Variants in UNC5C observed in about 807,000 individuals in gnomAD.
The protein encoded by UNC5C is unc-5 netrin receptor C.
UNC5C carries 47 observed loss-of-function variants against 99.8 expected under a neutral mutation model. That is an observed-to-expected ratio of 0.47 (90% CI 0.37 to 0.60). UNC5C has a LOEUF of 0.60. Ranked by LOEUF, UNC5C falls within the 20% of genes least tolerant of loss-of-function variation. The probability of loss-of-function intolerance (pLI) is 0.00; values close to 1 mark genes in which losing one functional copy is unlikely to be tolerated. For synonymous variants in UNC5C, 487 were observed against 452.2 expected, an observed-to-expected ratio of 1.08 and a Z score of -0.98; for missense variants, 1,062 against 1,165.9, an observed-to-expected ratio of 0.91 and a Z score of 1.30.
intron 1 of UNC5C, among the ~76,000 whole-genome samples, chr4:95,541,220 C>T (rs13149465): frequency 0.33 from 49,601 of 151,972 alleles, 9,055 homozygotes; most frequent in Middle Eastern, 0.43. Flanking sequence ...ATTTCAGAAA[C>T]AAACAATTCG....
chr4:95,368,265 G>A (rs1744633472), intron 1 of UNC5C, among the ~76,000 whole-genome samples: 1 of 124,860 alleles, frequency 8.0e-6, no homozygotes, highest in Non-Finnish European at 1.7e-5. Flanking sequence ...TAGAAACTAA[G>A]TAAAATAACA....
intron 2 of UNC5C, among the ~76,000 whole-genome samples, chr4:95,325,993 C>A (rs1742869429): frequency 6.6e-6 from 1 of 151,982 alleles, no homozygotes; most frequent in Non-Finnish European, 1.5e-5. Context: ...AGACACCAGG[C>A]GCAGGGCCAA....
At chr4:95,388,726 T>G (rs977416244) in intron 1 of UNC5C, among the ~76,000 whole-genome samples, 3 of 152,136 alleles carry the variant, frequency 2.0e-5, no homozygotes, top group Non-Finnish European at 4.4e-5. Context: ...ATAACTTCAT[T>G]GAGTAGGTCC....
At chr4:95,446,133 C>T (rs1378264422) in intron 1 of UNC5C, among the ~76,000 whole-genome samples, 8 of 151,818 alleles carry the variant, frequency 5.3e-5, no homozygotes, top group African/African-American at 1.7e-4. Context: ...TCTTAAGTAA[C>T]CAACGATTCA....
intron 1 of UNC5C, among the ~76,000 whole-genome samples, chr4:95,521,101 G>T: frequency 6.6e-6 from 1 of 151,858 alleles, no homozygotes; most frequent in Non-Finnish European, 1.5e-5. Context: ...CAGGATGCCT[G>T]CATGATTAGA....
intron 1 of UNC5C, among the ~76,000 whole-genome samples, chr4:95,453,612 T>C (rs1747335599): frequency 1.3e-5 from 2 of 152,156 alleles, no homozygotes. Flanking sequence ...CCTGTTCCCC[T>C]TCATTTCCTT....
chr4:95,445,410 G>C (rs1027048502), intron 1 of UNC5C, among the ~76,000 whole-genome samples: 1 of 151,644 alleles, frequency 6.6e-6, no homozygotes, highest in Non-Finnish European at 1.5e-5. Flanking sequence ...TTTCTGTTCC[G>C]TTCGGATTCA....
chr4:95,414,225 C>CA (rs1372543159), intron 1 of UNC5C, among the ~76,000 whole-genome samples: 1 of 151,680 alleles, frequency 6.6e-6, no homozygotes, highest in Non-Finnish European at 1.5e-5. Flanking sequence ...CTCCCCCCCA[C>CA]AAAAAATAGG....
chr4:95,335,738 T>C, intron 1 of UNC5C, 107 bp from the exon 2 acceptor site: 1 of 831,868 alleles, frequency 1.2e-6, no homozygotes, highest in Non-Finnish European at 1.9e-6. Flanking sequence ...AATTAAGTGA[T>C]TTGAATGCCT....
At chr4:95,477,183 T>C (rs1177400244) in intron 1 of UNC5C, among the ~76,000 whole-genome samples, 2 of 152,056 alleles carry the variant, frequency 1.3e-5, no homozygotes, top group African/African-American at 2.4e-5. Flanking sequence ...CTATGACATA[T>C]ATTAGGTTCC....
At chr4:95,456,152 G>A (rs11726404) in intron 1 of UNC5C, among the ~76,000 whole-genome samples, 16,990 of 151,936 alleles carry the variant, frequency 0.11, 1,027 homozygotes, top group Non-Finnish European at 0.14. Context: ...GTGTATAATG[G>A]TAATAATTAT....
Position 95,169,335 on chromosome 4 carries a change from G to C in UNC5C, c.2695C>G (p.Gln899Glu). The C allele has an allele frequency of 1.9e-6, 3 of 1,614,214 alleles. No homozygotes were observed. In the Admixed American group the frequency reaches 5.0e-5, roughly 27 times the overall value. Residue 899 changes from glutamine to glutamate, a missense_variant, in exon 16 of 16, where the codon CAG becomes GAG. By Grantham distance (29) the Gln-to-Glu change is conservative. Around this residue, in one of 3 missense-constraint regions of UNC5C, gnomAD observed 810 missense variants for 854.5 expected, o/e 0.95. Transcript: ENST00000453304. ...CTCAGGTTTCCATCTGGGAAGTTCTGTGCTTCCCAAAGATCCAGGATTACG... is the reference window on the plus strand; with the variant it reads ...CTCAGGTTTCCATCTGGGAAGTTCTCTGCTTCCCAAAGATCCAGGATTACG... The part of the protein sequence containing the change: ...TGVILDLWEA[Q>E]NFPDGNLSML...
chr4:95,518,194 C>T (rs976311940), intron 1 of UNC5C, among the ~76,000 whole-genome samples: 1 of 152,132 alleles, frequency 6.6e-6, no homozygotes, highest in Non-Finnish European at 1.5e-5. Context: ...TTATGTTTGG[C>T]CTATGTGTCA....
At chr4:95,199,410 A>G (rs1737562420) in intron 12 of UNC5C, among the ~76,000 whole-genome samples, 1 of 152,146 alleles carries the variant, frequency 6.6e-6, no homozygotes. Context: ...AAAGGCCATG[A>G]GGTGCAAGAA....
At chr4:95,391,920 C>T (rs1185879812) in intron 1 of UNC5C, among the ~76,000 whole-genome samples, 1 of 151,876 alleles carries the variant, frequency 6.6e-6, no homozygotes, top group Non-Finnish European at 1.5e-5. Context: ...CTAGCTGACC[C>T]CTGGCACACC....
intron 1 of UNC5C, among the ~76,000 whole-genome samples, chr4:95,539,710 A>G (rs1442808988): frequency 6.6e-6 from 1 of 152,080 alleles, no homozygotes; most frequent in African/African-American, 2.4e-5. Flanking sequence ...TTAGTGAACT[A>G]TATTTGTCTT....
chr4:95,368,381 T>C (rs1260141272), intron 1 of UNC5C, among the ~76,000 whole-genome samples: 1 of 150,508 alleles, frequency 6.6e-6, no homozygotes, highest in East Asian at 1.9e-4. Flanking sequence ...ATGGCATTGG[T>C]AAGAATTATC....
At chr4:95,270,222 C>T (rs939549803) in intron 4 of UNC5C, among the ~76,000 whole-genome samples, 18 of 152,178 alleles carry the variant, frequency 1.2e-4, no homozygotes, top group Non-Finnish European at 2.2e-4. Flanking sequence ...TGGATGTTCT[C>T]TCTTGCTAAA....
At chr4:95,270,032 A>G (rs1196793748) in intron 4 of UNC5C, among the ~76,000 whole-genome samples, 1 of 152,120 alleles carries the variant, frequency 6.6e-6, no homozygotes, top group Admixed American at 6.6e-5. Flanking sequence ...TGACAATTCT[A>G]AAAGACATTG....
Sources: gnomAD v4.1 joint callset for allele counts (sites outside exome capture counted in the v4.1 genomes callset) on GRCh38, gnomAD v4.1.1 for gene constraint, gnomAD v4.1.1 regional missense constraint, MANE v1.5 for transcripts, NCBI Gene and HGNC (gene_info 2026-07-23, HGNC 2026-07-21) for gene names.